NCOR2: variants seen among roughly 807,000 people sequenced by gnomAD.
NCOR2 encodes the protein CTG repeat protein 26.
In NCOR2, 81 loss-of-function variants were observed where a neutral mutation model predicts 262.9. The observed-to-expected ratio is 0.31, with a 90% CI of 0.26 to 0.37. NCOR2 has a LOEUF of 0.37. NCOR2 is among the 10% of genes least tolerant of loss of function. NCOR2 has a pLI of 1.00. For synonymous variants in NCOR2, 1,659 were observed against 1,559.3 expected (o/e 1.06, Z -1.51); for missense variants, 3,385 against 3,621.4 (o/e 0.93, Z 1.68).
intron 1 of NCOR2, among the ~76,000 whole-genome samples, chr12:124,559,842 C>T (rs752661961): frequency 2.6e-5 from 4 of 152,194 alleles, no homozygotes; most frequent in African/African-American, 4.8e-5. Context: ...AGATGGATTA[C>T]GGCTTTGGAA....
intron 20 of NCOR2, among the ~76,000 whole-genome samples, chr12:124,371,278 T>C (rs565119234): frequency 1.3e-3 from 177 of 141,264 alleles, no homozygotes; most frequent in African/African-American, 4.3e-3. Context: ...ACCAAGCTCA[T>C]TCCCACCTCG....
Position 124,378,971 on chromosome 12 carries a change from C to T in NCOR2, c.2020-587G>A, listed in dbSNP as rs2040213269. 4.1e-5 allele frequency among the ~76,000 whole-genome samples: 1 copy of T among 24,244 alleles called. No homozygotes were observed. The highest frequency in any genetic ancestry group is 1.5e-3 in the South Asian group (1 of 672). 15.9% of individuals were successfully genotyped at this position (24,244 alleles called of 152,430 possible). A position where few individuals can be genotyped will look rare whatever the true frequency, so the allele number is the denominator to read the frequency against. On this transcript the variant is annotated intron_variant, in intron 17 of 46. Coordinates refer to ENST00000405201, the Ensembl canonical transcript of NCOR2. This position sits in a 1 kb window ranked among gnomAD's most constrained non-coding sequence, Gnocchi z 4.2. ...GGAGACTGGCAACGTGCTCCTCACA[C>T]AGAAGCAGCACTCAGAGGATCAGAG...
At chr12:124,351,458 C>T (rs1191788268) in intron 27 of NCOR2, among the ~76,000 whole-genome samples, 2 of 152,162 alleles carry the variant, frequency 1.3e-5, no homozygotes, top group African/African-American at 4.8e-5. Flanking sequence ...GAGTACACGC[C>T]TCCCCAGTGT....
intron 1 of NCOR2, among the ~76,000 whole-genome samples, chr12:124,553,203 G>A (rs2051769938): frequency 1.3e-5 from 2 of 152,082 alleles, no homozygotes; most frequent in African/African-American, 2.4e-5. Flanking sequence ...AAATCTCTCT[G>A]ACCTCCTGCC....
chr12:124,443,919 G>A lies in NCOR2; in HGVS notation c.815+5896C>T, dbSNP rs1475094639. Among the ~76,000 whole-genome samples, 2 of 152,066 alleles carry A rather than the reference G, an allele frequency of 1.3e-5. No individual in the cohort carries two copies. Among genetic ancestry groups the A allele is most frequent in the Non-Finnish European group, 2.9e-5 (2 of 68,016 alleles). ...GGCCATCGGGCCACACCCCTTCATG[G>A]CCACAGGCTGGGAAACTGAGGCTTG... On this transcript the variant is annotated intron_variant, in intron 7 of 46. Coordinates refer to ENST00000405201, the Ensembl canonical transcript of NCOR2. The surrounding 1 kb of genome is among the most constrained non-coding windows in gnomAD (Gnocchi z 4.4).
At chr12:124,424,140 G>A (rs955457631) in intron 11 of NCOR2, among the ~76,000 whole-genome samples, 2 of 152,112 alleles carry the variant, frequency 1.3e-5, no homozygotes, top group South Asian at 2.1e-4. Context: ...GACATTATCA[G>A]ACCTGCAGAG....
chr12:124,325,679 G>A lies in NCOR2; in HGVS notation c.7364-96C>T, dbSNP rs769393650. 493 of 838,520 alleles carry A rather than the reference G, an allele frequency of 5.9e-4. 1 individual carries two copies. Among genetic ancestry groups the A allele is most frequent in the Admixed American group, 7.7e-4 (18 of 23,446 alleles). The allele number at this position is 838,520 out of a possible 1,614,324, so 51.9% of individuals were successfully genotyped here. A position where few individuals can be genotyped will look rare whatever the true frequency, so the allele number is the denominator to read the frequency against. On this transcript the variant is annotated intron_variant, in intron 46 of 46. Transcript: ENST00000405201. Reference sequence around the variant, plus strand: ...CCACACCGGGAACAGAGGCCTCAGCGTTTCTGTCCAACAGTCCTCCCAGAC... The same window carrying A: ...CCACACCGGGAACAGAGGCCTCAGCATTTCTGTCCAACAGTCCTCCCAGAC...
At chr12:124,325,985 T>C in intron 46 of NCOR2, 1 of 536,136 alleles carries the variant, frequency 1.9e-6, no homozygotes, top group Non-Finnish European at 3.0e-6. Flanking sequence ...CCACACCCTT[T>C]TCCTCTGCCT....
At chr12:124,438,043 G>A (rs1387860263) in intron 7 of NCOR2, 47 bp from the exon 10 acceptor site, 3 of 1,555,292 alleles carry the variant, frequency 1.9e-6, no homozygotes, top group South Asian at 1.2e-5. Context: ...CCGGGCTCAG[G>A]CGCTGCACCC....
chr12:124,406,455 A>C (rs899275992), intron 13 of NCOR2, among the ~76,000 whole-genome samples: 1 of 152,170 alleles, frequency 6.6e-6, no homozygotes, highest in Non-Finnish European at 1.5e-5. Flanking sequence ...TGAGGCCTTC[A>C]AGAATCCTTG....
chr12:124,369,901 G>A (rs979306279), intron 20 of NCOR2, among the ~76,000 whole-genome samples: 1 of 152,136 alleles, frequency 6.6e-6, no homozygotes, highest in African/African-American at 2.4e-5. Context: ...TGAGTGTTCT[G>A]GGGACGGACA....
chr12:124,415,791 G>C (rs535543231), intron 13 of NCOR2, among the ~76,000 whole-genome samples: 4 of 152,200 alleles, frequency 2.6e-5, no homozygotes, highest in Non-Finnish European at 4.4e-5. Context: ...GTGTAAAGAG[G>C]GGCATGTTTC....
intron 13 of NCOR2, among the ~76,000 whole-genome samples, chr12:124,407,590 CAGGA>C: frequency 6.6e-6 from 1 of 152,274 alleles, no homozygotes; most frequent in East Asian, 1.9e-4. Context: ...TAGCAGGTCG[CAGGA>C]AGGAAGACGG....
intron 18 of NCOR2, among the ~76,000 whole-genome samples, chr12:124,377,852 C>CA (rs1372295681): frequency 3.3e-4 from 48 of 146,812 alleles, no homozygotes; most frequent in African/African-American, 8.6e-4. Context: ...AAAAAAAAAA[C>CA]AAAAAAAAAC....
chr12:124,345,034 G>T, intron 31 of NCOR2, 83 bp from the exon 34 acceptor site: 1 of 1,286,432 alleles, frequency 7.8e-7, no homozygotes, highest in Non-Finnish European at 1.0e-6. Context: ...GCCTCAAAAA[G>T]TTTGTCATCT....
At chr12:124,340,649 G>A (rs777397769) in exon 35 of NCOR2, 142 of 1,499,100 alleles carry the variant, frequency 9.5e-5, no homozygotes, top group Middle Eastern at 3.5e-4. Flanking sequence ...GGGCTGGGGC[G>A]CGGTGGGGAG....
intron 45 of NCOR2, among the ~76,000 whole-genome samples, chr12:124,326,849 TCTCTC>T (rs1232888491): frequency 2.6e-5 from 3 of 114,128 alleles, no homozygotes; most frequent in Non-Finnish European, 3.7e-5. Flanking sequence ...CAACTGCAAC[TCTCTC>T]CTCAGCTCCC....
intron 13 of NCOR2, among the ~76,000 whole-genome samples, chr12:124,413,230 T>C (rs1171705757): frequency 2.6e-5 from 4 of 152,106 alleles, no homozygotes; most frequent in Non-Finnish European, 5.9e-5. Context: ...GGAGGGGCGG[T>C]CGTGCCCACT....
rs530104897 is a variant in NCOR2 at position 124,334,359 on chromosome 12, G to A, written c.6605+65C>T. 2.8e-3 allele frequency: 3,479 copies of A among 1,242,190 alleles called. 7 individuals carry two copies. Among genetic ancestry groups the A allele is most frequent in the Non-Finnish European group, 3.4e-3 (3,031 of 886,562 alleles). The allele number at this position is 1,242,190 out of a possible 1,614,324, so 76.9% of individuals were successfully genotyped here. On this transcript the variant is annotated intron_variant, in intron 41 of 46. Transcript: ENST00000405201. ...CAGCTGAGCTCAGACCCAGCTCTGA[G>A]GCAGGCAGCTGACGAAGGCCTCCCG...
Sources: allele counts gnomAD v4.1 joint callset (sites outside exome capture counted in the v4.1 genomes callset), GRCh38; gene constraint gnomAD v4.1.1; non-coding constraint Gnocchi (gnomAD v3.1); transcripts MANE v1.5; gene names NCBI Gene and HGNC (gene_info 2026-07-23, HGNC 2026-07-21).